The following RARB variants were observed in gnomAD, a reference collection of about 807,000 sequenced individuals.
RARB encodes the protein retinoic acid receptor beta.
Under a neutral mutation model 51.9 loss-of-function variants are expected in RARB, and 17 were observed. The observed-to-expected ratio is 0.33, with a 90% CI of 0.22 to 0.49. RARB has a LOEUF of 0.49. Among genes scored for constraint, RARB ranks in the 20% least tolerant of loss-of-function variants. The pLI is 0.99. For missense variants in RARB, 369 were observed against 550.8 expected, an observed-to-expected ratio of 0.67 and a Z score of 3.30; for synonymous variants, 215 against 195.4, an observed-to-expected ratio of 1.10 and a Z score of -0.84.
intron 4 of RARB, among the ~76,000 whole-genome samples, chr3:25,143,945 C>T (rs892287679): frequency 1.3e-5 from 2 of 152,134 alleles, no homozygotes; most frequent in African/African-American, 2.4e-5. Flanking sequence ...TTCCTTTCCT[C>T]GCAGCTCTAA....
At chr3:24,912,972 A>ATTT (rs71622787) in intron 2 of RARB, among the ~76,000 whole-genome samples, 8,787 of 56,474 alleles carry the variant, frequency 0.16, 729 homozygotes, top group Non-Finnish European at 0.21. Context: ...CAAGGTACTG[A>ATTT]TTCTTTTTTT....
In RARB at chr3:25,202,121, T is replaced by C. The variant is rs182052944; in HGVS notation, c.178+27546T>C. Among the ~76,000 whole-genome samples the C allele has an allele frequency of 2.7e-3, 406 of 152,312 alleles. 2 individuals are homozygous for C. The highest frequency in any genetic ancestry group is 9.4e-3 in the African/African-American group (390 of 41,562). ...TTGCCTTAATTTCAGATCCTGTTAT[T>C]GGTCTATTCAGAGATTCAACTTCTT... On this transcript the variant is annotated intron_variant, in intron 5 of 11. Coordinates refer to the RARB transcript ENST00000383772.
intron 2 of RARB, among the ~76,000 whole-genome samples, chr3:25,481,589 C>A (rs907486504): frequency 1.3e-5 from 2 of 152,206 alleles, no homozygotes; most frequent in African/African-American, 2.4e-5. Context: ...CTGAATCAGC[C>A]TATCAGCTGG....
intron 3 of RARB, 54 bp downstream of exon 3, chr3:25,501,377 C>T (rs752957317): frequency 8.2e-6 from 13 of 1,591,616 alleles, no homozygotes; most frequent in Admixed American, 1.8e-5. Context: ...CTGTGATTTG[C>T]TCACCTTCCA....
rs989120118 is a variant in RARB, at chr3:24,957,082, T to C, written c.-380+98330T>C. ...AGAGGAGTAATATTGAACAAGGTGA[T>C]GTCTTCTGAGGGCAATTGCCAGAGA... On this transcript the variant is annotated intron_variant, in intron 2 of 11. Transcript: ENST00000383772. Among the ~76,000 whole-genome samples the C allele has an allele frequency of 4.6e-5, 7 of 152,280 alleles. No individual in the cohort carries two copies. In the East Asian group the frequency reaches 5.8e-4, roughly 13 times the overall value.
chr3:25,436,130 C>G (rs746899650), intron 1 of RARB, among the ~76,000 whole-genome samples: 4 of 152,198 alleles, frequency 2.6e-5, no homozygotes, highest in Admixed American at 1.3e-4. Flanking sequence ...GCCACATCTT[C>G]TCCTGAGCAC....
intron 4 of RARB, among the ~76,000 whole-genome samples, chr3:25,577,284 G>T (rs183667055): frequency 3.4e-4 from 52 of 152,318 alleles, no homozygotes; most frequent in African/African-American, 8.9e-4. Flanking sequence ...CCATAATGGT[G>T]CCTACCGCAT....
chr3:25,341,470 A>G (rs1283619823), intron 5 of RARB, among the ~76,000 whole-genome samples: 2 of 152,128 alleles, frequency 1.3e-5, no homozygotes, highest in East Asian at 1.9e-4. Flanking sequence ...AAGACTTCCT[A>G]GAAGAGGTTT....
In RARB at chr3:25,596,874, T is replaced by C. The variant is rs77458929; in HGVS notation, c.*258T>C. On this transcript the variant is annotated 3_prime_UTR_variant, in exon 8 of 8. Transcript: ENST00000330688. Reference sequence around the variant, plus strand: ...TAGTTAAAAGCTTCTATTTTCCTCTTTGAACACTCAAGATTGCATGGCAAA... The same window carrying C: ...TAGTTAAAAGCTTCTATTTTCCTCTCTGAACACTCAAGATTGCATGGCAAA... 0.01 allele frequency: 3,334 copies of C among 326,740 alleles called. 104 individuals carry two copies. The highest frequency in any genetic ancestry group is 0.062 in the African/African-American group (2,953 of 47,818). 20.2% of individuals were successfully genotyped at this position (326,740 alleles called of 1,614,324 possible). A position where few individuals can be genotyped will look rare whatever the true frequency, so the allele number is the denominator to read the frequency against.
chr3:25,082,066 A>G (rs569684913), intron 3 of RARB, among the ~76,000 whole-genome samples: 21 of 152,254 alleles, frequency 1.4e-4, no homozygotes, highest in South Asian at 6.2e-4. Context: ...TGACATTTAT[A>G]TAGCCACTTC....
chr3:24,992,644 A>G (rs4417830), intron 2 of RARB, among the ~76,000 whole-genome samples: 50,076 of 152,008 alleles, frequency 0.33, 8,411 homozygotes, highest in Admixed American at 0.43. Context: ...ATCCAGCAGG[A>G]ATGGTTTCTT....
intron 5 of RARB, among the ~76,000 whole-genome samples, chr3:25,252,491 T>G (rs926268819): frequency 2.6e-5 from 4 of 152,220 alleles, no homozygotes; most frequent in African/African-American, 9.6e-5. Flanking sequence ...GGTATATCTT[T>G]CCATTTATTT....
At chr3:24,912,888 G>T (rs1471837917) in intron 2 of RARB, among the ~76,000 whole-genome samples, 3 of 150,604 alleles carry the variant, frequency 2.0e-5, no homozygotes, top group Non-Finnish European at 4.4e-5. Context: ...TGAAAGACAG[G>T]AAAATTATCC....
chr3:25,419,098 C>T (rs1235655138), intron 5 of RARB, among the ~76,000 whole-genome samples: 1 of 151,748 alleles, frequency 6.6e-6, no homozygotes, highest in Non-Finnish European at 1.5e-5. Context: ...GTATGATTGG[C>T]CAAAGGAGCA....
At chr3:25,357,540 C>G (rs1559370162) in intron 5 of RARB, among the ~76,000 whole-genome samples, 1 of 152,146 alleles carries the variant, frequency 6.6e-6, no homozygotes, top group Non-Finnish European at 1.5e-5. Context: ...TCAATTTTGG[C>G]TTTTGTTGCC....
chr3:25,532,218 G>A (rs974836688), intron 3 of RARB, among the ~76,000 whole-genome samples: 6 of 152,186 alleles, frequency 3.9e-5, no homozygotes, highest in Admixed American at 2.6e-4. Context: ...GGTGTGCTAT[G>A]AATTAGTAGA....
chr3:25,468,893 C>G (rs894338833), intron 2 of RARB, among the ~76,000 whole-genome samples: 4 of 152,304 alleles, frequency 2.6e-5, no homozygotes, highest in Non-Finnish European at 4.4e-5. Context: ...CTAAGCCAAC[C>G]TTTGGGGGCC....
intron 3 of RARB, among the ~76,000 whole-genome samples, chr3:25,069,034 C>G (rs1040729931): frequency 6.6e-5 from 10 of 150,978 alleles, no homozygotes; most frequent in African/African-American, 2.2e-4. Flanking sequence ...AACACACACA[C>G]ACCTCATGAA....
At chr3:25,225,812 A>G (rs1702043742) in intron 5 of RARB, among the ~76,000 whole-genome samples, 1 of 152,214 alleles carries the variant, frequency 6.6e-6, no homozygotes, top group African/African-American at 2.4e-5. Flanking sequence ...CTTAAGTAGC[A>G]TGATGATATC....
Sources: gnomAD v4.1 joint callset for allele counts (sites outside exome capture counted in the v4.1 genomes callset) on GRCh38, gnomAD v4.1.1 for gene constraint, MANE v1.5 for transcripts, NCBI Gene and HGNC (gene_info 2026-07-23, HGNC 2026-07-21) for gene names.